Variants in DNAH11 observed in about 807,000 individuals in gnomAD.
DNAH11 encodes dynein axonemal heavy chain 11.
DNAH11 carries 442 observed loss-of-function variants against 526.0 expected under a neutral mutation model. That is an observed-to-expected ratio of 0.84 (90% CI 0.78 to 0.91). DNAH11 has a LOEUF of 0.91. Among genes scored for constraint, DNAH11 ranks in the 40% least tolerant of loss-of-function variants. The pLI, the probability that DNAH11 is intolerant of heterozygous loss-of-function variation, is 0.00. For missense variants in DNAH11, 6,989 were observed against 5,448.7 expected, an observed-to-expected ratio of 1.28 and a Z score of -8.90; for synonymous variants, 2,461 against 1,935.9, an observed-to-expected ratio of 1.27 and a Z score of -7.12.
At chr7:21,714,664 A>C (rs1301623555) in intron 42 of DNAH11, among the ~76,000 whole-genome samples, 1 of 152,206 alleles carries the variant, frequency 6.6e-6, no homozygotes, top group Non-Finnish European at 1.5e-5. Context: ...CTTTGAAATA[A>C]AGTTCAAAAC....
In DNAH11 at chr7:21,571,889, A is replaced by G; in HGVS notation, c.1509A>G (p.Gln503=). The change falls in exon 8 of 82, where the codon CAA becomes CAG. Residue 503 remains glutamine, a synonymous_variant. Transcript: ENST00000409508. Reference sequence around the variant, plus strand: ...CCAAAGGAGCAATTTTAAATGGACAAGTCCACGAGATGAGTGAAGAACTTA... The same window carrying G: ...CCAAAGGAGCAATTTTAAATGGACAGGTCCACGAGATGAGTGAAGAACTTA... ...GGTKGAILNG[Q]VHEMSEELME... 1 of 1,613,184 alleles carries G rather than the reference A, an allele frequency of 6.2e-7. No individual in the cohort carries two copies. Among genetic ancestry groups the G allele is most frequent in the Non-Finnish European group, 8.5e-7 (1 of 1,179,552 alleles).
At chr7:21,814,161 T>C (rs1486878231) in intron 63 of DNAH11, among the ~76,000 whole-genome samples, 1 of 152,046 alleles carries the variant, frequency 6.6e-6, no homozygotes, top group African/African-American at 2.4e-5. Context: ...ACAAAAAATA[T>C]AGCATAAAAG....
chr7:21,888,023 A>G (rs1784191416), intron 76 of DNAH11, among the ~76,000 whole-genome samples: 1 of 152,152 alleles, frequency 6.6e-6, no homozygotes, highest in Admixed American at 6.5e-5. Flanking sequence ...GTACAGGCCA[A>G]CACTGAGAAC....
In DNAH11 at chr7:21,647,622, G is replaced by A. The variant is rs545723540; in HGVS notation, c.4945-8210G>A. 3.7e-4 allele frequency among the ~76,000 whole-genome samples: 56 copies of A among 151,588 alleles called. No individual in the cohort carries two copies. The East Asian group carries it at 8.4e-3, about 23-fold the overall frequency. Reference sequence around the variant, plus strand: ...TTTTTTTTGTATTTTTAGTAGAGACGGGGTTTCACCTTGTTAGCCAGGATG... The same window carrying A: ...TTTTTTTTGTATTTTTAGTAGAGACAGGGTTTCACCTTGTTAGCCAGGATG... On this transcript the variant is annotated intron_variant, in intron 28 of 81. Transcript: ENST00000409508.
rs569756903 is a variant in DNAH11, at chr7:21,876,086, G to A, written c.12195+2585G>A. 7.2e-5 allele frequency among the ~76,000 whole-genome samples: 11 copies of A among 152,054 alleles called. 1 individual carries two copies. Among genetic ancestry groups the A allele is most frequent in the South Asian group, 6.2e-4 (3 of 4,808 alleles). ...TTTTTAGTAGAGACGGGGTTTCACC[G>A]TGTTAGCCAGGATGGTCTTGATCTC... On this transcript the variant is annotated intron_variant, in intron 74 of 81. Coordinates refer to ENST00000409508, the MANE Select transcript of DNAH11 (RefSeq NM_001277115.2).
At chr7:21,887,128 C>T (rs1784153211) in intron 76 of DNAH11, among the ~76,000 whole-genome samples, 1 of 152,204 alleles carries the variant, frequency 6.6e-6, no homozygotes, top group Non-Finnish European at 1.5e-5. Flanking sequence ...TGCATTGGAA[C>T]ATGATCAAAA....
chr7:21,735,063 A>G (rs2906679), intron 45 of DNAH11, among the ~76,000 whole-genome samples: 133,676 of 151,734 alleles, frequency 0.88, 59,150 homozygotes, highest in Non-Finnish European at 0.9. Flanking sequence ...CCAACTACTC[A>G]GGAGGCTGAA....
In DNAH11 at chr7:21,690,832, G is replaced by C. The variant is rs751566015; in HGVS notation, c.5992G>C (p.Gly1998Arg). The change falls in exon 35 of 82, where the codon GGT (glycine) becomes CGT (arginine). Residue 1998 changes from glycine (G) to arginine (R), a missense_variant. Transcript: ENST00000409508. ...SVGIFITMNP[G>R]YAGRTELPEN... ...TGGAATATTTATTACTATGAACCCGGGTTATGCTGGTCGAACCGAATTACC... is the reference window on the plus strand; with the variant it reads ...TGGAATATTTATTACTATGAACCCGCGTTATGCTGGTCGAACCGAATTACC... 6.2e-7 allele frequency: 1 copy of C among 1,612,566 alleles called. No homozygotes were observed. Among genetic ancestry groups the C allele is most frequent in the Non-Finnish European group, 8.5e-7 (1 of 1,179,388 alleles).
At chr7:21,552,635 A>G in intron 2 of DNAH11, among the ~76,000 whole-genome samples, 1 of 152,178 alleles carries the variant, frequency 6.6e-6, no homozygotes. Flanking sequence ...GGAAGGTTGG[A>G]ATTTCTCCAG....
At chr7:21,753,864 A>C (rs1786516405) in intron 54 of DNAH11, among the ~76,000 whole-genome samples, 1 of 152,174 alleles carries the variant, frequency 6.6e-6, no homozygotes, top group Non-Finnish European at 1.5e-5. Flanking sequence ...TTTTGATCGA[A>C]ATCATGCTGA....
At chr7:21,648,651 TGAA>T (rs1400496955) in intron 28 of DNAH11, among the ~76,000 whole-genome samples, 12 of 152,214 alleles carry the variant, frequency 7.9e-5, no homozygotes, top group African/African-American at 2.9e-4. Context: ...TTGTGGCTGA[TGAA>T]GAAGCCATTA....
At chr7:21,688,255 A>G (rs1234239737) in intron 34 of DNAH11, among the ~76,000 whole-genome samples, 1 of 152,040 alleles carries the variant, frequency 6.6e-6, no homozygotes, top group East Asian at 1.9e-4. Flanking sequence ...GTTTCTTCTC[A>G]TCTATAAAAT....
chr7:21,609,291 C>T (rs1429103373), intron 20 of DNAH11, among the ~76,000 whole-genome samples: 1 of 152,188 alleles, frequency 6.6e-6, no homozygotes, highest in African/African-American at 2.4e-5. Context: ...TCTCAGCTCA[C>T]TACAACCTCT....
chr7:21,783,457 T>A (rs11980396), intron 57 of DNAH11, among the ~76,000 whole-genome samples: 2 of 151,996 alleles, frequency 1.3e-5, no homozygotes, highest in Admixed American at 6.5e-5. Context: ...TGAAGAAATA[T>A]ACTTTTGTTC....
intron 28 of DNAH11, among the ~76,000 whole-genome samples, chr7:21,654,198 C>A (rs778290973): frequency 6.6e-6 from 1 of 152,058 alleles, no homozygotes; most frequent in South Asian, 2.1e-4. Flanking sequence ...TTCATCAAGC[C>A]GAAAGTAAAA....
At chr7:21,820,206 A>G (rs963570681) in intron 65 of DNAH11, among the ~76,000 whole-genome samples, 1 of 152,162 alleles carries the variant, frequency 6.6e-6, no homozygotes, top group Non-Finnish European at 1.5e-5. Flanking sequence ...GCACTGCTAT[A>G]TGCCAGGTAC....
Position 21,791,607 on chromosome 7 carries a change from C to G in DNAH11, c.10026+2265C>G, listed in dbSNP as rs181345238. On this transcript the variant is annotated intron_variant, in intron 61 of 81. Coordinates refer to ENST00000409508, the MANE Select transcript of DNAH11 (RefSeq NM_001277115.2). ...CTTTCTTTCCCTCTTAAGAGCTCCC[C>G]CATCTACTTCGGGCAAGCTCCTTCA... Among the ~76,000 whole-genome samples, 290 of 152,298 alleles carry G rather than the reference C, an allele frequency of 1.9e-3. 1 individual carries two copies. The highest frequency in any genetic ancestry group is 3.2e-3 in the Non-Finnish European group (215 of 68,020).
chr7:21,682,354 G>A (rs765017597), intron 31 of DNAH11, among the ~76,000 whole-genome samples: 4 of 151,748 alleles, frequency 2.6e-5, no homozygotes, highest in Non-Finnish European at 5.9e-5. Flanking sequence ...GTGAAACCCC[G>A]TCTCTAATAA....
intron 58 of DNAH11, among the ~76,000 whole-genome samples, chr7:21,785,870 G>A (rs1788153040): frequency 6.6e-6 from 1 of 152,172 alleles, no homozygotes; most frequent in Non-Finnish European, 1.5e-5. Flanking sequence ...ATTTGATAAG[G>A]TTTTATAAGC....
Sources: allele counts gnomAD v4.1 joint callset (sites outside exome capture counted in the v4.1 genomes callset), GRCh38; gene constraint gnomAD v4.1.1; transcripts MANE v1.5; gene names NCBI Gene and HGNC (gene_info 2026-07-23, HGNC 2026-07-21).